The following CRYL1 variants were observed in gnomAD, a reference collection of about 807,000 sequenced individuals.
CRYL1 encodes crystallin lambda 1.
CRYL1 carries 29 observed loss-of-function variants against 36.6 expected under a neutral mutation model. That is an observed-to-expected ratio of 0.79 (90% CI 0.59 to 1.08). The LOEUF (loss-of-function observed/expected upper bound fraction) is 1.08. Among genes scored for constraint, CRYL1 ranks in the 50% least tolerant of loss-of-function variants. The pLI is 0.00. For synonymous variants in CRYL1, 152 were observed against 151.5 expected (o/e 1.00, Z -0.02); for missense variants, 411 against 407.9 (o/e 1.01, Z -0.06).
At position 20,415,227 on chromosome 13, in the gene CRYL1, G is replaced by A. The variant is rs563488813; in HGVS notation, c.634-1840C>T. ...GCTTGCTCCGCCCGGAGGGCTCTGCGGGGACCCTGGCACAGCGGCCTGCAG... is the reference window on the plus strand; with the variant it reads ...GCTTGCTCCGCCCGGAGGGCTCTGCAGGGACCCTGGCACAGCGGCCTGCAG... On this transcript the variant is annotated intron_variant, in intron 5 of 7. Transcript: ENST00000298248. The surrounding 1 kb of genome is among the most constrained non-coding windows in gnomAD (Gnocchi z 4.1). Among the ~76,000 whole-genome samples, 504 of 152,294 alleles carry A rather than the reference G, an allele frequency of 3.3e-3. 2 individuals carry two copies. The highest frequency in any genetic ancestry group is 0.012 in the African/African-American group (494 of 41,572).
intron 2 of CRYL1, among the ~76,000 whole-genome samples, chr13:20,501,059 T>C (rs951266736): frequency 6.6e-6 from 1 of 152,208 alleles, no homozygotes; most frequent in African/African-American, 2.4e-5. Flanking sequence ...TCTTTCCTGC[T>C]ATATAAACCC....
At chr13:20,501,772 C>T (rs7327476) in intron 2 of CRYL1, among the ~76,000 whole-genome samples, 56,890 of 152,044 alleles carry the variant, frequency 0.37, 11,080 homozygotes, top group East Asian at 0.48. Context: ...TCTGCTTTGA[C>T]GTTGACATTG....
chr13:20,432,753 C>A (rs998502712), intron 4 of CRYL1, among the ~76,000 whole-genome samples: 1 of 152,096 alleles, frequency 6.6e-6, no homozygotes, highest in East Asian at 1.9e-4. Flanking sequence ...TGCGGTGGCT[C>A]ACACCTGTAA....
rs1386774012 is a variant in CRYL1 at position 20,525,671 on chromosome 13, C to T, written c.41+83G>A. The T allele has an allele frequency of 2.5e-6, 3 of 1,178,834 alleles. No homozygotes were observed. The highest frequency in any genetic ancestry group is 3.2e-6 in the Non-Finnish European group (3 of 924,022). 73.0% of individuals were successfully genotyped at this position (1,178,834 alleles called of 1,614,324 possible). On this transcript the variant is annotated intron_variant, in intron 1 of 7. Coordinates refer to ENST00000298248, the MANE Select transcript of CRYL1 (RefSeq NM_015974.3). The surrounding 1 kb of genome is among the most constrained non-coding windows in gnomAD (Gnocchi z 4.3). Reference sequence around the variant, plus strand: ...GGCGGGGACAGCGACCCGGCGCCCACCCCGAGGGCCCCACGCGAGGGCACC... The same window carrying T: ...GGCGGGGACAGCGACCCGGCGCCCATCCCGAGGGCCCCACGCGAGGGCACC...
intron 2 of CRYL1, among the ~76,000 whole-genome samples, chr13:20,500,909 G>T (rs1447169083): frequency 3.3e-5 from 5 of 152,110 alleles, no homozygotes; most frequent in Admixed American, 6.5e-5. Flanking sequence ...AATTACTTCA[G>T]GCATCTCAAA....
At chr13:20,467,379 G>C (rs532528666) in intron 3 of CRYL1, among the ~76,000 whole-genome samples, 1 of 152,198 alleles carries the variant, frequency 6.6e-6, no homozygotes, top group Non-Finnish European at 1.5e-5. Context: ...ACAATCCCTT[G>C]TGGAGGAAAG....
chr13:20,517,272 C>T (rs1194364409), intron 1 of CRYL1, among the ~76,000 whole-genome samples: 1 of 152,106 alleles, frequency 6.6e-6, no homozygotes, highest in African/African-American at 2.4e-5. Context: ...AATGCTTGGG[C>T]CCAGTATTTC....
At chr13:20,471,820 CCTCTCTCTCTCTTTTT>C (rs1565975702) in intron 3 of CRYL1, among the ~76,000 whole-genome samples, 1 of 150,688 alleles carries the variant, frequency 6.6e-6, no homozygotes, top group Admixed American at 6.6e-5. Flanking sequence ...TCTTTCTTTC[CCTCTCTCTCTCTTTTT>C]CTCTCTCTCT....
intron 5 of CRYL1, among the ~76,000 whole-genome samples, chr13:20,419,941 G>C (rs566404392): frequency 1.3e-5 from 2 of 152,336 alleles, no homozygotes; most frequent in Admixed American, 6.5e-5. Context: ...ACCTTCCAGG[G>C]AGAAGGTGAG....
intron 2 of CRYL1, among the ~76,000 whole-genome samples, chr13:20,499,591 G>T (rs2033669372): frequency 6.6e-6 from 1 of 152,050 alleles, no homozygotes; most frequent in African/African-American, 2.4e-5. Flanking sequence ...AGCAGAGCTT[G>T]CAGTGAGCCG....
intron 2 of CRYL1, among the ~76,000 whole-genome samples, chr13:20,490,980 G>T (rs139039408): frequency 3.3e-5 from 5 of 152,130 alleles, no homozygotes; most frequent in African/African-American, 1.2e-4. Context: ...ATCATGACTC[G>T]CCATAGCCTC....
intron 6 of CRYL1, among the ~76,000 whole-genome samples, chr13:20,411,027 C>T (rs993485897): frequency 6.6e-6 from 1 of 152,160 alleles, no homozygotes; most frequent in African/African-American, 2.4e-5. Flanking sequence ...AAAAATAAAT[C>T]CTAAAATATT....
chr13:20,413,510 G>A (rs993566343), intron 5 of CRYL1, 123 bp from the exon 6 acceptor site: 1 of 604,252 alleles, frequency 1.7e-6, no homozygotes, highest in African/African-American at 1.9e-5. Context: ...TATACAGGGT[G>A]AGTACCACTT....
chr13:20,460,614 C>T (rs2032792740), intron 3 of CRYL1, among the ~76,000 whole-genome samples: 1 of 143,666 alleles, frequency 7.0e-6, no homozygotes, highest in Non-Finnish European at 1.5e-5. Context: ...CAAGCTCCGC[C>T]ACCCGGGTTC....
At chr13:20,512,681 T>C (rs1292957589) in intron 1 of CRYL1, 131 bp from the exon 2 acceptor site, 1 of 619,688 alleles carries the variant, frequency 1.6e-6, no homozygotes, top group Admixed American at 2.9e-5. Context: ...ATCTTAAAAG[T>C]ACACATTTTA....
intron 3 of CRYL1, among the ~76,000 whole-genome samples, chr13:20,461,105 A>G (rs2032809528): frequency 6.6e-6 from 1 of 152,204 alleles, no homozygotes; most frequent in Non-Finnish European, 1.5e-5. Context: ...TCATCTTTTC[A>G]CATGCACACT....
chr13:20,523,790 G>C (rs2034138723), intron 1 of CRYL1, among the ~76,000 whole-genome samples: 1 of 152,110 alleles, frequency 6.6e-6, no homozygotes, highest in South Asian at 2.1e-4. Context: ...GGTCCTTAAA[G>C]TTTGGAAGCC....
chr13:20,525,851 G>C lies in CRYL1; in HGVS notation c.-57C>G. On this transcript the variant is annotated 5_prime_UTR_variant, in exon 1 of 8. Transcript: ENST00000298248. The surrounding 1 kb of genome is among the most constrained non-coding windows in gnomAD (Gnocchi z 4.3). ...TGGGACCAGGCGCCGGCGGAGCTGCGAGCTCTGGGCTCCGGGGAGGGCGGG... is the reference window on the plus strand; with the variant it reads ...TGGGACCAGGCGCCGGCGGAGCTGCCAGCTCTGGGCTCCGGGGAGGGCGGG... 4 of 1,195,224 alleles carry C rather than the reference G, an allele frequency of 3.3e-6. No homozygotes were observed. In the East Asian group the frequency reaches 1.0e-4, roughly 31 times the overall value. The allele number at this position is 1,195,224 out of a possible 1,614,324, so 74.0% of individuals were successfully genotyped here.
chr13:20,496,594 CTAA>C (rs2033608188), intron 2 of CRYL1, among the ~76,000 whole-genome samples: 1 of 152,080 alleles, frequency 6.6e-6, no homozygotes, highest in Non-Finnish European at 1.5e-5. Context: ...TAAAACCAGG[CTAA>C]TAATGGATCT....
Sources: gnomAD v4.1 joint callset for allele counts (sites outside exome capture counted in the v4.1 genomes callset) on GRCh38, gnomAD v4.1.1 for gene constraint, Gnocchi (gnomAD v3.1) non-coding constraint, MANE v1.5 for transcripts, NCBI Gene and HGNC (gene_info 2026-07-23, HGNC 2026-07-21) for gene names.